PDILT: variants seen among roughly 807,000 people sequenced by gnomAD.
PDILT encodes the protein protein disulfide-isomerase-like protein of the testis.
PDILT carries 43 observed loss-of-function variants against 53.7 expected under a neutral mutation model. The observed-to-expected ratio is 0.80, with a 90% CI of 0.63 to 1.03. The LOEUF is 1.03. PDILT is among the 50% of genes least tolerant of loss of function. The probability of loss-of-function intolerance (pLI) is 0.00; values close to 1 mark genes in which losing one functional copy is unlikely to be tolerated. For missense variants in PDILT, 727 were observed against 712.3 expected, an observed-to-expected ratio of 1.02 and a Z score of -0.24; for synonymous variants, 282 against 274.2, an observed-to-expected ratio of 1.03 and a Z score of -0.28.
intron 3 of PDILT, among the ~76,000 whole-genome samples, chr16:20,379,330 C>T (rs1280810239): frequency 1.3e-5 from 2 of 152,170 alleles, no homozygotes; most frequent in Admixed American, 1.3e-4. Context: ...CGTGCCACCA[C>T]ACCCCACTAA....
At chr16:20,367,275 T>C (rs1180158731) in intron 8 of PDILT, among the ~76,000 whole-genome samples, 3 of 152,004 alleles carry the variant, frequency 2.0e-5, no homozygotes, top group African/African-American at 7.3e-5. Flanking sequence ...GCTAATGTTT[T>C]GTATTTTTAG....
At chr16:20,383,467 G>T (rs1048328955) in intron 3 of PDILT, among the ~76,000 whole-genome samples, 11 of 141,796 alleles carry the variant, frequency 7.8e-5, no homozygotes, top group Non-Finnish European at 1.5e-4. Flanking sequence ...CTTCTCTGGC[G>T]CCCGCAGCCA....
chr16:20,375,972 G>T, intron 4 of PDILT, 96 bp downstream of exon 4: 1 of 1,465,164 alleles, frequency 6.8e-7, no homozygotes, highest in Non-Finnish European at 9.2e-7. Flanking sequence ...GAGAAAATTG[G>T]GCAATCAAAA....
At chr16:20,387,496 G>C (rs1326339957) in intron 2 of PDILT, among the ~76,000 whole-genome samples, 3 of 152,170 alleles carry the variant, frequency 2.0e-5, no homozygotes, top group Admixed American at 2.0e-4. Flanking sequence ...TGGGGCCAGG[G>C]GACAGGTGAT....
chr16:20,391,533 G>A (rs1456664074), intron 2 of PDILT, among the ~76,000 whole-genome samples: 1 of 152,136 alleles, frequency 6.6e-6, no homozygotes, highest in Non-Finnish European at 1.5e-5. Context: ...ACTAATGGTA[G>A]TGAGTCCTTC....
chr16:20,370,396 A>T (rs1328448347), intron 7 of PDILT, among the ~76,000 whole-genome samples: 16 of 152,220 alleles, frequency 1.1e-4, no homozygotes. Context: ...GGGGTAAGGT[A>T]GGGGCTCAGG....
Position 20,397,964 on chromosome 16 carries a change from A to G in PDILT, c.202+1135T>C, listed in dbSNP as rs546567247. 6.3e-4 allele frequency among the ~76,000 whole-genome samples: 96 copies of G among 151,990 alleles called. No homozygotes were observed. The South Asian group carries it at 9.8e-3, about 16-fold the overall frequency. ...CCTGCGGTCTAATTCTCCAAATCCT[A>G]CCATACAGAACATGGGACAACATGG... On this transcript the variant is annotated intron_variant, in intron 2 of 11. Coordinates refer to ENST00000302451, the MANE Select transcript of PDILT (RefSeq NM_174924.2).
At chr16:20,385,263 C>T (rs759918907) in intron 2 of PDILT, among the ~76,000 whole-genome samples, 17 of 152,166 alleles carry the variant, frequency 1.1e-4, no homozygotes, top group Non-Finnish European at 2.5e-4. Flanking sequence ...CTCTCTATAA[C>T]TCTGTGGGAT....
At chr16:20,369,710 C>G in intron 7 of PDILT, 21 bp from the exon 8 acceptor site, 1 of 1,612,616 alleles carries the variant, frequency 6.2e-7, no homozygotes, top group South Asian at 1.1e-5. Flanking sequence ...AAACAAAACC[C>G]TTGTCTCTCT....
Position 20,399,079 on chromosome 16 carries a change from C to T in PDILT, c.202+20G>A, listed in dbSNP as rs368152456. 3.3e-5 allele frequency: 54 copies of T among 1,613,914 alleles called. No homozygotes were observed. Among genetic ancestry groups the T allele is most frequent in the Middle Eastern group, 1.6e-4 (1 of 6,080 alleles). On this transcript the variant is annotated intron_variant, in intron 2 of 11. Coordinates refer to ENST00000302451, the MANE Select transcript of PDILT (RefSeq NM_174924.2). ...GCCTCATCCCATCTATCATCCATCACCCAGGATGGGGGCACTCACGGAAAA... is the reference window on the plus strand; with the variant it reads ...GCCTCATCCCATCTATCATCCATCATCCAGGATGGGGGCACTCACGGAAAA...
In PDILT at chr16:20,362,487, T is replaced by A; in HGVS notation, c.1333A>T (p.Ile445Phe). The change falls in exon 10 of 12, where the codon ATC becomes TTC. Residue 445 changes from isoleucine to phenylalanine, a missense_variant. Coordinates refer to ENST00000302451, the MANE Select transcript of PDILT (RefSeq NM_174924.2). ...TGAATGTCATTTGCTGTGACATCGA[T>A]CTTGGCAATGATAATTGTGGAGTGG... is the stretch of plus-strand genomic sequence containing the variant. ...QNHSTIIIAK[I>F]DVTANDIQLM... 6.2e-7 allele frequency: 1 copy of A among 1,614,198 alleles called. No individual in the cohort carries two copies. The highest frequency in any genetic ancestry group is 8.5e-7 in the Non-Finnish European group (1 of 1,180,030).
chr16:20,400,012 C>CTCTA lies in PDILT; in HGVS notation c.-7-709_-7-706dup, dbSNP rs777793980. The stretch of plus-strand genomic sequence containing the variant: ...TATGTAAACATACCTTTGAATATAT[C>CTCTA]TCTATCTATCTATCTATCTATCTAT... On this transcript the variant is annotated intron_variant, in intron 1 of 11. Transcript: ENST00000302451. Among the ~76,000 whole-genome samples, 64 of 141,786 alleles carry CTCTA rather than the reference C, an allele frequency of 4.5e-4. No individual in the cohort carries two copies. In the East Asian group the frequency reaches 0.011, roughly 25 times the overall value. 93.0% of individuals were successfully genotyped at this position (141,786 alleles called of 152,430 possible). A position where few individuals can be genotyped will look rare whatever the true frequency, so the allele number is the denominator to read the frequency against.
rs1246680589 is a variant in PDILT, at chr16:20,376,200, T to C, written c.411A>G (p.Gly137=). The part of the protein sequence containing the change: ...GNRSEPISCK[G]VVESAALVVW... ...CGACTAAGGCAGCAGATTCAACCAC[T>C]CCTGGAGAAAGACACAGTCAAATAG... Residue 137 remains glycine, a splice_region_variant and synonymous_variant, in exon 4 of 12, where the codon GGA becomes GGG. Coordinates refer to ENST00000302451, the MANE Select transcript of PDILT (RefSeq NM_174924.2). The C allele has an allele frequency of 6.2e-7, 1 of 1,614,056 alleles. No individual in the cohort carries two copies. The highest frequency in any genetic ancestry group is 1.7e-5 in the Admixed American group (1 of 60,004).
rs1966182536 is a variant in PDILT, at chr16:20,365,784, T to C, written c.1117-244A>G. 2.0e-5 allele frequency among the ~76,000 whole-genome samples: 3 copies of C among 152,074 alleles called. No individual in the cohort carries two copies. In the South Asian group the frequency reaches 6.2e-4, roughly 32 times the overall value. On this transcript the variant is annotated intron_variant, in intron 8 of 11. Transcript: ENST00000302451. ...CAAACTGGGATGGATTCTCAGATTT[T>C]ATAAAAAGAAGATTTAAGCCGGGCG...
intron 3 of PDILT, among the ~76,000 whole-genome samples, chr16:20,380,265 G>A (rs1398786386): frequency 3.2e-4 from 49 of 151,940 alleles, no homozygotes; most frequent in Admixed American, 3.2e-3. Flanking sequence ...TTCTCAGTTG[G>A]TTCTTCTTTT....
Position 20,384,597 on chromosome 16 carries a change from T to C in PDILT, c.409+48A>G, listed in dbSNP as rs965848254. 7.5e-6 allele frequency: 12 copies of C among 1,609,136 alleles called. No homozygotes were observed. In the South Asian group the frequency reaches 1.2e-4, roughly 16 times the overall value. ...CCACCTTTACCCTATAGCTGTTAAG[T>C]GGACTTTCCATGAGCATGAAACAAG... On this transcript the variant is annotated intron_variant, in intron 3 of 11. Transcript: ENST00000302451.
chr16:20,387,240 T>C (rs186260541), intron 2 of PDILT, among the ~76,000 whole-genome samples: 1 of 152,350 alleles, frequency 6.6e-6, no homozygotes, highest in African/African-American at 2.4e-5. Context: ...TTAGATAATA[T>C]GTGCTTTGGA....
At chr16:20,385,598 G>A (rs1195534457) in intron 2 of PDILT, among the ~76,000 whole-genome samples, 3 of 152,112 alleles carry the variant, frequency 2.0e-5, no homozygotes, top group Non-Finnish European at 4.4e-5. Context: ...GGGAGGCTGG[G>A]TGCAGGGTGA....
chr16:20,365,047 T>A (rs1354734356), intron 9 of PDILT, among the ~76,000 whole-genome samples: 6 of 152,206 alleles, frequency 3.9e-5, no homozygotes, highest in African/African-American at 1.4e-4. Flanking sequence ...GTCTGAGCAA[T>A]AAAAGTAGCT....
Sources: gnomAD v4.1 joint callset for allele counts (sites outside exome capture counted in the v4.1 genomes callset) on GRCh38, gnomAD v4.1.1 for gene constraint, MANE v1.5 for transcripts, NCBI Gene and HGNC (gene_info 2026-07-23, HGNC 2026-07-21) for gene names.